Variants in CAMSAP1 observed in about 807,000 individuals in gnomAD.
The protein encoded by CAMSAP1 is calmodulin regulated spectrin associated protein 1, also known as calmodulin-regulated spectrin-associated protein 1.
Under a neutral mutation model 143.5 loss-of-function variants are expected in CAMSAP1, and 58 were observed. The ratio of observed to expected loss-of-function variants is 0.40; its 90% CI spans 0.33 to 0.50. CAMSAP1 has a LOEUF of 0.50. Among genes scored for constraint, CAMSAP1 ranks in the 20% least tolerant of loss-of-function variants. The pLI is 0.45. For synonymous variants in CAMSAP1, 945 were observed against 859.3 expected, an observed-to-expected ratio of 1.10 and a Z score of -1.74; for missense variants, 1,969 against 2,115.7, an observed-to-expected ratio of 0.93 and a Z score of 1.36.
rs1385277539 is a variant in CAMSAP1 at position 135,819,084 on chromosome 9, C to T, written c.3885G>A (p.Gln1295=). The T allele has an allele frequency of 6.2e-7, 1 of 1,603,994 alleles. No individual in the cohort carries two copies. The highest frequency in any genetic ancestry group is 1.3e-5 in the African/African-American group (1 of 74,648). The change falls in exon 12 of 17, where the codon CAG becomes CAA. Residue 1295 remains glutamine, a synonymous_variant. Transcript: ENST00000389532. Reference sequence around the variant, plus strand: ...GCACGCGGGCCTCCTCGGCCTTGCGCTGCTGCTTCAGGAGGAAGGCCGCCC... The same window carrying T: ...GCACGCGGGCCTCCTCGGCCTTGCGTTGCTGCTTCAGGAGGAAGGCCGCCC... ...KKRAAFLLKQ[Q]RKAEEARVRK...
chr9:135,820,770 TCTAA>T lies in CAMSAP1; in HGVS notation c.3822+65_3822+68del. ...GCCAGCCTGGTGCAGATCTGTGTTC[TCTAA>T]CTCACTATCACGTGGGGTGGCAACA... On this transcript the variant is annotated intron_variant, in intron 11 of 16. Transcript: ENST00000389532. This position sits in a 1 kb window ranked among gnomAD's most constrained non-coding sequence, Gnocchi z 4.4. 6.4e-7 allele frequency: 1 copy of T among 1,563,816 alleles called. No individual in the cohort carries two copies. Among genetic ancestry groups the T allele is most frequent in the African/African-American group, 1.4e-5 (1 of 73,928 alleles).
chr9:135,899,167 G>A (rs768645704), intron 1 of CAMSAP1, among the ~76,000 whole-genome samples: 12 of 151,966 alleles, frequency 7.9e-5, no homozygotes, highest in Non-Finnish European at 1.5e-4. Flanking sequence ...AAGGAAACTC[G>A]GGAAGTAATG....
intron 5 of CAMSAP1, among the ~76,000 whole-genome samples, chr9:135,856,033 G>C (rs1476577730): frequency 1.3e-5 from 2 of 152,158 alleles, no homozygotes; most frequent in South Asian, 4.1e-4. Context: ...GCATAGGCAA[G>C]AGAGTGAGAC....
At chr9:135,904,649 A>G (rs1157131634) in intron 1 of CAMSAP1, among the ~76,000 whole-genome samples, 2 of 151,900 alleles carry the variant, frequency 1.3e-5, no homozygotes, top group East Asian at 3.9e-4. Flanking sequence ...AAACTATAGA[A>G]TGTAAAAGCC....
intron 3 of CAMSAP1, among the ~76,000 whole-genome samples, chr9:135,872,974 A>C (rs1283455366): frequency 6.6e-6 from 1 of 152,202 alleles, no homozygotes; most frequent in African/African-American, 2.4e-5. Context: ...GGAGACACAA[A>C]CACCACCAAC....
In CAMSAP1 at chr9:135,811,499, G is replaced by A; in HGVS notation, c.4619C>T (p.Thr1540Ile). The A allele has an allele frequency of 6.2e-7, 1 of 1,610,532 alleles. No homozygotes were observed. The highest frequency in any genetic ancestry group is 8.5e-7 in the Non-Finnish European group (1 of 1,178,190). The stretch of plus-strand genomic sequence containing the variant: ...GGTGATGTTCTTTGGCCCCGTGCCA[G>A]TGAGTTTGTAGATTTCCTCAGTATC... Reference protein sequence around the residue: ...YPDTEEIYKLTGTGPKNITKK... With the variant: ...YPDTEEIYKLIGTGPKNITKK... The change falls in exon 17 of 17, where the codon ACT becomes ATT. Residue 1540 changes from threonine to isoleucine, a missense_variant. Coordinates refer to ENST00000389532, the MANE Select transcript of CAMSAP1 (RefSeq NM_015447.4). This position sits in a 1 kb window ranked among gnomAD's most constrained non-coding sequence, Gnocchi z 4.9.
intron 3 of CAMSAP1, among the ~76,000 whole-genome samples, chr9:135,879,842 T>C (rs1217035096): frequency 1.3e-5 from 2 of 151,754 alleles, no homozygotes; most frequent in African/African-American, 4.8e-5. Flanking sequence ...GGGGAGTCAC[T>C]GGAACGGCTG....
intron 7 of CAMSAP1, among the ~76,000 whole-genome samples, chr9:135,846,682 CAAAAAAAA>C (rs752714756): frequency 1.1e-4 from 6 of 53,736 alleles, no homozygotes; most frequent in Admixed American, 4.1e-4. Context: ...ACAAATTTAC[CAAAAAAAA>C]AAAAAAAAAA....
intron 7 of CAMSAP1, among the ~76,000 whole-genome samples, chr9:135,847,042 A>G (rs1564436898): frequency 6.6e-6 from 1 of 152,156 alleles, no homozygotes. Context: ...ATATACCCAA[A>G]GGATTATAAA....
intron 5 of CAMSAP1, 32 bp downstream of exon 5, chr9:135,862,435 G>T: frequency 6.5e-7 from 1 of 1,544,912 alleles, no homozygotes; most frequent in South Asian, 1.2e-5. Context: ...AAGCCTTTTC[G>T]GATCTGTTTC....
chr9:135,850,054 A>T lies in CAMSAP1; in HGVS notation c.1045+83T>A, dbSNP rs1216469953. ...TTCCAAGAACTCTGCTGTGCGAGAA[A>T]CATGGAACCACTGGAGAGTGCTTTC... On this transcript the variant is annotated intron_variant, in intron 7 of 16. Coordinates refer to ENST00000389532, the MANE Select transcript of CAMSAP1 (RefSeq NM_015447.4). The T allele has an allele frequency of 2.9e-5, 33 of 1,127,420 alleles. No individual in the cohort carries two copies. In the South Asian group the frequency reaches 4.7e-4, roughly 16 times the overall value. The allele number at this position is 1,127,420 out of a possible 1,614,324, so 69.8% of individuals were successfully genotyped here. A position where few individuals can be genotyped will look rare whatever the true frequency, so the allele number is the denominator to read the frequency against.
intron 1 of CAMSAP1, among the ~76,000 whole-genome samples, chr9:135,899,380 G>A (rs1203427910): frequency 6.7e-6 from 1 of 149,472 alleles, no homozygotes; most frequent in Admixed American, 6.7e-5. Flanking sequence ...CTTGAGCCCA[G>A]GAGTTCGAGA....
chr9:135,899,376 C>A (rs1271781406), intron 1 of CAMSAP1, among the ~76,000 whole-genome samples: 1 of 151,044 alleles, frequency 6.6e-6, no homozygotes, highest in Non-Finnish European at 1.5e-5. Flanking sequence ...ATCTCTTGAG[C>A]CCAGGAGTTC....
At chr9:135,890,734 C>G (rs1042470289) in intron 1 of CAMSAP1, among the ~76,000 whole-genome samples, 1 of 152,200 alleles carries the variant, frequency 6.6e-6, no homozygotes, top group African/African-American at 2.4e-5. Context: ...AACGGAAACT[C>G]CCCCTGGGAA....
chr9:135,882,733 A>T lies in CAMSAP1; in HGVS notation c.423+83T>A. On this transcript the variant is annotated intron_variant, in intron 2 of 16. Coordinates refer to ENST00000389532, the MANE Select transcript of CAMSAP1 (RefSeq NM_015447.4). The surrounding 1 kb of genome is among the most constrained non-coding windows in gnomAD (Gnocchi z 4.9). ...CCACCTCGCCGCACACCGTGTTCAC[A>T]CCATCCATGCACCAGGTGCGCCACA... is the stretch of plus-strand genomic sequence containing the variant. 6.8e-7 allele frequency: 1 copy of T among 1,469,238 alleles called. No homozygotes were observed. The highest frequency in any genetic ancestry group is 1.3e-5 in the South Asian group (1 of 75,458). 91.0% of individuals were successfully genotyped at this position (1,469,238 alleles called of 1,614,324 possible).
intron 7 of CAMSAP1, chr9:135,836,128 C>G: frequency 3.0e-6 from 3 of 985,466 alleles, no homozygotes; most frequent in Non-Finnish European, 3.6e-6. Context: ...GGCAGACTTC[C>G]TGCCCAAAAG....
chr9:135,859,293 A>C (rs73559448), intron 5 of CAMSAP1, among the ~76,000 whole-genome samples: 2,760 of 152,296 alleles, frequency 0.018, 91 homozygotes, highest in African/African-American at 0.064. Flanking sequence ...ATGAAGCCTG[A>C]AGTCCTCTAT....
In CAMSAP1 at chr9:135,897,960, A is replaced by T. The variant is rs562065104; in HGVS notation, c.160+9040T>A. Among the ~76,000 whole-genome samples, 8 of 152,338 alleles carry T rather than the reference A, an allele frequency of 5.3e-5. No individual in the cohort carries two copies. In the South Asian group the frequency reaches 1.4e-3, roughly 28 times the overall value. ...AGTTATCAAAGGAAATTTTTAAAAA[A>T]TACCTAGAACTGAATGAAAATGAAA... On this transcript the variant is annotated intron_variant, in intron 1 of 16. Transcript: ENST00000389532.
In CAMSAP1 at chr9:135,818,988, T is replaced by C. The variant is rs754002779; in HGVS notation, c.3959+22A>G. The C allele has an allele frequency of 2.5e-5, 40 of 1,601,134 alleles. No homozygotes were observed. Among genetic ancestry groups the C allele is most frequent in the Admixed American group, 6.7e-5 (4 of 59,572 alleles). On this transcript the variant is annotated intron_variant, in intron 12 of 16. Transcript: ENST00000389532. The surrounding 1 kb of genome is among the most constrained non-coding windows in gnomAD (Gnocchi z 7.7). Reference sequence around the variant, plus strand: ...CACCAGGCTCCTGCTCAGTCTGCTTTCCCCCCCGGCGGGACGCTTACCGGG... The same window carrying C: ...CACCAGGCTCCTGCTCAGTCTGCTTCCCCCCCCGGCGGGACGCTTACCGGG...
Sources: allele counts gnomAD v4.1 joint callset (sites outside exome capture counted in the v4.1 genomes callset), GRCh38; gene constraint gnomAD v4.1.1; non-coding constraint Gnocchi (gnomAD v3.1); transcripts MANE v1.5; gene names NCBI Gene and HGNC (gene_info 2026-07-23, HGNC 2026-07-21).